Variants in PCDH15 observed in about 807,000 individuals in gnomAD.
The protein encoded by PCDH15 is protocadherin related 15.
A neutral mutation model predicts 178.5 loss-of-function variants in PCDH15; 129 were observed. The ratio of observed to expected loss-of-function variants is 0.72; its 90% confidence interval spans 0.63 to 0.84. PCDH15 has a LOEUF of 0.84. PCDH15 is among the 40% of genes least tolerant of loss of function. PCDH15 has a pLI of 0.00. For missense variants in PCDH15, 2,230 were observed against 2,099.9 expected (o/e 1.06, Z -1.21); for synonymous variants, 800 against 732.0 (o/e 1.09, Z -1.50).
chr10:54,985,296 G>C (rs1839336121), intron 2 of PCDH15, among the ~76,000 whole-genome samples: 1 of 152,096 alleles, frequency 6.6e-6, no homozygotes, highest in Non-Finnish European at 1.5e-5. Context: ...AAAAGGGATA[G>C]AAGTTTGATA....
At chr10:54,136,665 G>T (rs1293920240) in intron 14 of PCDH15, among the ~76,000 whole-genome samples, 1 of 151,968 alleles carries the variant, frequency 6.6e-6, no homozygotes, top group Non-Finnish European at 1.5e-5. Flanking sequence ...CTACAATAAG[G>T]ACCTTAAACT....
chr10:53,804,108 G>A lies in PCDH15; in HGVS notation c.*2471C>T, dbSNP rs943602091. 2 of 151,738 alleles carry A rather than the reference G, an allele frequency of 1.3e-5. No individual in the cohort carries two copies. Among genetic ancestry groups the A allele is most frequent in the African/African-American group, 2.4e-5 (1 of 41,368 alleles). 9.4% of individuals were successfully genotyped at this position (151,738 alleles called of 1,614,324 possible). On this transcript the variant is annotated 3_prime_UTR_variant, in exon 38 of 38. Transcript: ENST00000644397. ...GTTAGTAATAATTTTGCTGCTCTAC[G>A]TTACCCAAAAATATACTGACCAAAT...
chr10:55,484,221 T>C (rs1350009670), intron 2 of PCDH15, among the ~76,000 whole-genome samples: 1 of 151,658 alleles, frequency 6.6e-6, no homozygotes, highest in East Asian at 2.0e-4. Flanking sequence ...TAAGATAATC[T>C]GTACAACAAG....
chr10:54,215,566 T>C (rs1306541370), intron 9 of PCDH15, among the ~76,000 whole-genome samples: 1 of 152,092 alleles, frequency 6.6e-6, no homozygotes, highest in Non-Finnish European at 1.5e-5. Flanking sequence ...GCACTAGTCA[T>C]AGATGAAAAT....
intron 1 of PCDH15, among the ~76,000 whole-genome samples, chr10:54,731,854 T>G (rs1566068718): frequency 6.6e-6 from 1 of 150,578 alleles, no homozygotes; most frequent in East Asian, 2.0e-4. Flanking sequence ...AATATACAGT[T>G]TGAGAGAAGA....
intron 18 of PCDH15, among the ~76,000 whole-genome samples, chr10:54,066,031 C>T (rs2094131239): frequency 6.6e-6 from 1 of 152,150 alleles, no homozygotes; most frequent in South Asian, 2.1e-4. Flanking sequence ...GTGGCTCACA[C>T]CTCACTAAAC....
At chr10:54,240,800 A>T (rs765953495) in intron 8 of PCDH15, among the ~76,000 whole-genome samples, 96 of 150,960 alleles carry the variant, frequency 6.4e-4, no homozygotes, top group Non-Finnish European at 1.0e-3. Flanking sequence ...CCCGGCTAAT[A>T]TTTTGTATTT....
chr10:54,708,357 TA>T (rs1188233182), intron 1 of PCDH15, among the ~76,000 whole-genome samples: 1 of 152,170 alleles, frequency 6.6e-6, no homozygotes, highest in Non-Finnish European at 1.5e-5. Flanking sequence ...TTGCATCAAG[TA>T]AAATAGACTA....
At chr10:54,296,766 G>T (rs543520424) in intron 8 of PCDH15, among the ~76,000 whole-genome samples, 5 of 151,470 alleles carry the variant, frequency 3.3e-5, no homozygotes, top group South Asian at 2.1e-4. Flanking sequence ...CTCAGAAATT[G>T]TATCCTTGCT....
At chr10:55,409,658 A>C (rs1205441112) in intron 2 of PCDH15, among the ~76,000 whole-genome samples, 1 of 152,180 alleles carries the variant, frequency 6.6e-6, no homozygotes, top group Non-Finnish European at 1.5e-5. Context: ...TGGTTAAAAT[A>C]TAGTGCTGAA....
At chr10:54,942,132 C>G (rs922230252) in intron 2 of PCDH15, among the ~76,000 whole-genome samples, 2 of 151,856 alleles carry the variant, frequency 1.3e-5, no homozygotes, top group Non-Finnish European at 2.9e-5. Context: ...CTGTGCTCTT[C>G]GGTCTACACT....
chr10:54,939,523 A>AAAAAAAAAAAAAAAAAAAAAAAC, intron 2 of PCDH15, among the ~76,000 whole-genome samples: 1 of 146,370 alleles, frequency 6.8e-6, no homozygotes, highest in Non-Finnish European at 1.5e-5. Context: ...AAAAAAAAAA[A>AAAAAAAAAAAAAAAAAAAAAAAC]TCAGTGATGT....
intron 10 of PCDH15, among the ~76,000 whole-genome samples, chr10:54,211,607 C>G (rs2051442213): frequency 6.6e-6 from 1 of 152,124 alleles, no homozygotes; most frequent in African/African-American, 2.4e-5. Flanking sequence ...ACACACATAG[C>G]TTTTTAAAGC....
intron 1 of PCDH15, among the ~76,000 whole-genome samples, chr10:55,274,823 G>C (rs1184021283): frequency 6.6e-6 from 1 of 151,974 alleles, no homozygotes; most frequent in African/African-American, 2.4e-5. Flanking sequence ...TAAGGAGCGT[G>C]ACCTAGATCC....
At chr10:54,679,332 G>C (rs1243087359) in intron 1 of PCDH15, among the ~76,000 whole-genome samples, 1 of 151,924 alleles carries the variant, frequency 6.6e-6, no homozygotes, top group African/African-American at 2.4e-5. Context: ...TGTATCTCAT[G>C]ATACTTATCG....
chr10:54,891,912 T>C (rs1954468423), intron 3 of PCDH15, among the ~76,000 whole-genome samples: 1 of 152,056 alleles, frequency 6.6e-6, no homozygotes, highest in Admixed American at 6.6e-5. Context: ...TCACAAATCA[T>C]GTAGAGACTC....
At chr10:54,322,817 A>G (rs889290012) in intron 7 of PCDH15, among the ~76,000 whole-genome samples, 18 of 152,094 alleles carry the variant, frequency 1.2e-4, no homozygotes, top group African/African-American at 4.1e-4. Flanking sequence ...GGATTTCGTA[A>G]TGATGATATC....
chr10:54,992,265 T>G (rs1050139970), intron 2 of PCDH15, among the ~76,000 whole-genome samples: 1 of 152,174 alleles, frequency 6.6e-6, no homozygotes, highest in Non-Finnish European at 1.5e-5. Context: ...ACAGCAATTG[T>G]CTTAAGTGAA....
rs148304256 is a variant in PCDH15, at chr10:54,064,352, C to T, written c.2220+2405G>A. On this transcript the variant is annotated intron_variant, in intron 18 of 37. Coordinates refer to ENST00000644397, the MANE Select transcript of PCDH15 (RefSeq NM_001384140.1). ...GAGGAAGTACATGTTGATTGGTCCA[C>T]GGGTGGCCATGGGCAGGCCCGGTAA... Among the ~76,000 whole-genome samples the T allele has an allele frequency of 4.7e-3, 717 of 152,220 alleles. 5 individuals are homozygous for T. Among genetic ancestry groups the T allele is most frequent in the African/African-American group, 0.016 (672 of 41,552 alleles).
Sources: allele counts gnomAD v4.1 joint callset (sites outside exome capture counted in the v4.1 genomes callset), GRCh38; gene constraint gnomAD v4.1.1; transcripts MANE v1.5; gene names NCBI Gene and HGNC (gene_info 2026-07-23, HGNC 2026-07-21).